ANK3: variants seen among roughly 807,000 people sequenced by gnomAD.
ANK3 encodes ankyrin 3.
A neutral mutation model predicts 370.9 loss-of-function variants in ANK3; 57 were observed. That is an observed-to-expected ratio of 0.15 (90% CI 0.12 to 0.19). The LOEUF (loss-of-function observed/expected upper bound fraction) is 0.19. Ranked by LOEUF, ANK3 falls within the 10% of genes least tolerant of loss-of-function variation. The probability of loss-of-function intolerance (pLI) is 1.00; values close to 1 mark genes in which losing one functional copy is unlikely to be tolerated. For synonymous variants in ANK3, 1,929 were observed against 1,946.3 expected, an observed-to-expected ratio of 0.99 and a Z score of 0.23; for missense variants, 4,439 against 5,302.1, an observed-to-expected ratio of 0.84 and a Z score of 5.06.
intron 41 of ANK3, among the ~76,000 whole-genome samples, chr10:60,058,353 G>A (rs1033486382): frequency 4.7e-5 from 7 of 149,470 alleles, no homozygotes; most frequent in African/African-American, 1.5e-4. Context: ...CCAAATTCAT[G>A]ACCAGGAAAT....
chr10:60,318,160 A>T (rs1414656041), intron 1 of ANK3, among the ~76,000 whole-genome samples: 3 of 152,086 alleles, frequency 2.0e-5, no homozygotes, highest in Non-Finnish European at 4.4e-5. Context: ...TATATAGGTA[A>T]ATGTGTGCCA....
At chr10:60,596,068 C>T (rs754960776) in intron 2 of ANK3, among the ~76,000 whole-genome samples, 1 of 152,148 alleles carries the variant, frequency 6.6e-6, no homozygotes, top group Non-Finnish European at 1.5e-5. Flanking sequence ...TCATGTACAG[C>T]ATCCCTGCTA....
In ANK3 at chr10:60,658,356, A is replaced by T. The variant is rs539945977; in HGVS notation, c.58-43132T>A. 2.8e-4 allele frequency among the ~76,000 whole-genome samples: 43 copies of T among 151,384 alleles called. No homozygotes were observed. In the South Asian group the frequency reaches 8.3e-3, roughly 29 times the overall value. On this transcript the variant is annotated intron_variant, in intron 1 of 43. Transcript: ENST00000373827. ...TCTGCTGTATCTCTTCATTTTTTTT[A>T]GCAGTTGTTCTAGGAATTAAATATG... is the stretch of plus-strand genomic sequence containing the variant.
chr10:60,045,916 A>AT (rs35437805), intron 42 of ANK3, among the ~76,000 whole-genome samples: 105,391 of 149,318 alleles, frequency 0.71, 37,601 homozygotes, highest in East Asian at 0.83. Flanking sequence ...TTTTGTTCTC[A>AT]TTTTTTTTTT....
chr10:60,511,496 A>C (rs1290838829), intron 2 of ANK3, among the ~76,000 whole-genome samples: 5 of 152,196 alleles, frequency 3.3e-5, no homozygotes, highest in African/African-American at 9.6e-5. Flanking sequence ...TCTGAATTAC[A>C]TAATAAAAGC....
intron 2 of ANK3, among the ~76,000 whole-genome samples, chr10:60,568,942 G>T (rs921322943): frequency 1.3e-5 from 2 of 152,188 alleles, no homozygotes; most frequent in African/African-American, 2.4e-5. Flanking sequence ...AGCAAGCTGG[G>T]AAGAGTGTCC....
intron 1 of ANK3, among the ~76,000 whole-genome samples, chr10:60,369,701 C>A (rs1014801344): frequency 1.3e-5 from 2 of 152,178 alleles, no homozygotes; most frequent in East Asian, 1.9e-4. Flanking sequence ...GCAGTAGATA[C>A]CTGTTTCATC....
At chr10:60,238,152 G>C (rs114030720) in intron 7 of ANK3, among the ~76,000 whole-genome samples, 1 of 152,112 alleles carries the variant, frequency 6.6e-6, no homozygotes, top group Non-Finnish European at 1.5e-5. Context: ...GCCACTCAAC[G>C]GACTACTCAT....
At chr10:60,400,177 A>G (rs1267371047) in intron 2 of ANK3, among the ~76,000 whole-genome samples, 1 of 152,164 alleles carries the variant, frequency 6.6e-6, no homozygotes, top group Non-Finnish European at 1.5e-5. Flanking sequence ...TTACTTTGTC[A>G]GTGAGCTCTT....
intron 1 of ANK3, among the ~76,000 whole-genome samples, chr10:60,323,212 A>C (rs983359181): frequency 2.6e-5 from 4 of 152,196 alleles, no homozygotes; most frequent in Admixed American, 2.6e-4. Context: ...TCTGAGAAAC[A>C]GAAGATACCT....
chr10:60,621,311 A>G (rs2078334030), intron 1 of ANK3, among the ~76,000 whole-genome samples: 2 of 152,198 alleles, frequency 1.3e-5, no homozygotes, highest in Admixed American at 1.3e-4. Context: ...TATCTCACTC[A>G]TTTACATAAC....
intron 23 of ANK3, among the ~76,000 whole-genome samples, chr10:60,155,215 TCC>T (rs1046532186): frequency 2.6e-5 from 4 of 151,928 alleles, no homozygotes; most frequent in Admixed American, 2.0e-4. Context: ...ACACCACCCC[TCC>T]CCCAGCCCCA....
At chr10:60,370,671 C>T (rs3851251) in intron 1 of ANK3, among the ~76,000 whole-genome samples, 56,203 of 151,900 alleles carry the variant, frequency 0.37, 11,281 homozygotes, top group Middle Eastern at 0.49. Context: ...ATTTATCATG[C>T]CCAGTGAATG....
intron 9 of ANK3, 103 bp downstream of exon 9, chr10:60,213,309 C>A: frequency 1.3e-6 from 1 of 757,782 alleles, no homozygotes; most frequent in Non-Finnish European, 2.2e-6. Flanking sequence ...ACTACTCTGA[C>A]TGCTACATTG....
intron 1 of ANK3, among the ~76,000 whole-genome samples, chr10:60,313,592 G>C (rs2046803780): frequency 6.6e-6 from 1 of 152,082 alleles, no homozygotes; most frequent in Non-Finnish European, 1.5e-5. Context: ...TGAATCTTCA[G>C]TTGGTCTTTT....
At chr10:60,591,998 G>A (rs2077922229) in intron 2 of ANK3, among the ~76,000 whole-genome samples, 2 of 152,004 alleles carry the variant, frequency 1.3e-5, no homozygotes, top group South Asian at 4.2e-4. Context: ...GAATAAATAA[G>A]ACCTACTATT....
intron 2 of ANK3, among the ~76,000 whole-genome samples, chr10:60,463,638 T>A (rs1235075815): frequency 6.6e-6 from 1 of 152,064 alleles, no homozygotes; most frequent in East Asian, 1.9e-4. Context: ...GATATAACTG[T>A]TCCATTTTAT....
intron 16 of ANK3, among the ~76,000 whole-genome samples, chr10:60,193,291 G>A (rs1591540140): frequency 6.6e-6 from 1 of 152,008 alleles, no homozygotes; most frequent in Non-Finnish European, 1.5e-5. Flanking sequence ...AGAGAACTAT[G>A]AATACTAAGT....
At chr10:60,268,301 T>C (rs1180817265) in intron 5 of ANK3, among the ~76,000 whole-genome samples, 2 of 152,202 alleles carry the variant, frequency 1.3e-5, no homozygotes, top group Non-Finnish European at 1.5e-5. Context: ...TAAAAAAATA[T>C]GTATAAAAAT....
Sources: allele counts gnomAD v4.1 joint callset (sites outside exome capture counted in the v4.1 genomes callset), GRCh38; gene constraint gnomAD v4.1.1; transcripts MANE v1.5; gene names NCBI Gene and HGNC (gene_info 2026-07-23, HGNC 2026-07-21).